SLC30A9: variants seen among roughly 807,000 people sequenced by gnomAD.
The protein encoded by SLC30A9 is proton-coupled zinc antiporter SLC30A9, mitochondrial.
SLC30A9 carries 58 observed loss-of-function variants against 87.5 expected under a neutral mutation model. The ratio of observed to expected loss-of-function variants is 0.66; its 90% CI spans 0.54 to 0.82. The LOEUF (loss-of-function observed/expected upper bound fraction) is 0.82. SLC30A9 is among the 40% of genes least tolerant of loss of function. The pLI is 0.00. For missense variants in SLC30A9, 557 were observed against 679.1 expected (o/e 0.82, Z 2.00); for synonymous variants, 234 against 233.0 (o/e 1.00, Z -0.04).
At chr4:42,014,724 T>TA (rs1170346546) in intron 2 of SLC30A9, among the ~76,000 whole-genome samples, 1 of 152,152 alleles carries the variant, frequency 6.6e-6, no homozygotes, top group Non-Finnish European at 1.5e-5. Context: ...TATTTAAGCA[T>TA]AAAAAAGAAT....
In SLC30A9 at chr4:42,060,220, T is replaced by A. The variant is rs1465991910; in HGVS notation, c.870T>A (p.Ser290=). 6.2e-7 allele frequency: 1 copy of A among 1,612,786 alleles called. No homozygotes were observed. Among genetic ancestry groups the A allele is most frequent in the African/African-American group, 1.3e-5 (1 of 74,904 alleles). Residue 290 remains serine, a synonymous_variant, in exon 10 of 18, where the codon TCT becomes TCA. Coordinates refer to ENST00000264451, the MANE Select transcript of SLC30A9 (RefSeq NM_006345.4). ...QGLLALGISK[S]VQTPDPSHPY... is the part of the protein sequence containing the mutation. Reference sequence around the variant, plus strand: ...TACTAGCATTGGGCATCAGTAAGTCTGTTCAAACACCAGATCCTTCTCATC... The same window carrying A: ...TACTAGCATTGGGCATCAGTAAGTCAGTTCAAACACCAGATCCTTCTCATC...
At chr4:42,055,972 A>G (rs1717593620) in intron 9 of SLC30A9, among the ~76,000 whole-genome samples, 1 of 152,216 alleles carries the variant, frequency 6.6e-6, no homozygotes, top group South Asian at 2.1e-4. Flanking sequence ...ACGTACTGAT[A>G]GAGATTTATG....
chr4:42,035,464 A>G, intron 7 of SLC30A9, 131 bp downstream of exon 7: 3 of 977,930 alleles, frequency 3.1e-6, no homozygotes, highest in Non-Finnish European at 4.4e-6. Flanking sequence ...AGTTCACTGA[A>G]TTATAGTCAA....
intron 9 of SLC30A9, among the ~76,000 whole-genome samples, chr4:42,050,203 A>G (rs1421249343): frequency 1.3e-5 from 2 of 152,324 alleles, no homozygotes; most frequent in East Asian, 3.9e-4. Flanking sequence ...TGTCTCACTC[A>G]CTGTCAAATC....
chr4:42,052,404 C>T lies in SLC30A9; in HGVS notation c.840+2925C>T, dbSNP rs977270435. ...AGACTTCTCTGTACAATTGACAAACCGAATAAATTCCAAAATTCATACGGA... is the reference window on the plus strand; with the variant it reads ...AGACTTCTCTGTACAATTGACAAACTGAATAAATTCCAAAATTCATACGGA... On this transcript the variant is annotated intron_variant, in intron 9 of 17. Transcript: ENST00000264451. Among the ~76,000 whole-genome samples, 10 of 152,094 alleles carry T rather than the reference C, an allele frequency of 6.6e-5. No homozygotes were observed. The East Asian group carries it at 1.5e-3, about 23-fold the overall frequency.
chr4:42,004,337 C>A lies in SLC30A9; in HGVS notation c.274+2557C>A, dbSNP rs115008463. On this transcript the variant is annotated intron_variant, in intron 2 of 17. Coordinates refer to ENST00000264451, the MANE Select transcript of SLC30A9 (RefSeq NM_006345.4). Reference sequence around the variant, plus strand: ...ATTCTACTTGAGATTTGTTGGGCTTCCTGGATCTGAGGATTGATATTTTTC... The same window carrying A: ...ATTCTACTTGAGATTTGTTGGGCTTACTGGATCTGAGGATTGATATTTTTC... 3.2e-3 allele frequency among the ~76,000 whole-genome samples: 485 copies of A among 152,226 alleles called. 2 individuals carry two copies. Among genetic ancestry groups the A allele is most frequent in the African/African-American group, 0.011 (464 of 41,550 alleles).
chr4:42,010,801 T>C (rs1021201962), intron 2 of SLC30A9, among the ~76,000 whole-genome samples: 1 of 152,110 alleles, frequency 6.6e-6, no homozygotes, highest in Non-Finnish European at 1.5e-5. Flanking sequence ...ATTGAAGACA[T>C]AGTTGGACTA....
chr4:42,066,510 T>A, intron 12 of SLC30A9, 40 bp from the exon 13 acceptor site: 1 of 1,361,408 alleles, frequency 7.3e-7, no homozygotes, highest in Non-Finnish European at 1.0e-6. Flanking sequence ...TTTGGAGGCA[T>A]GAAGTTTCTG....
rs1719040621 is a variant in SLC30A9, at chr4:42,089,884, T to C, written c.*3758T>C. 1 of 152,058 alleles carries C rather than the reference T, an allele frequency of 6.6e-6. No individual in the cohort carries two copies. Among genetic ancestry groups the C allele is most frequent in the Non-Finnish European group, 1.5e-5 (1 of 67,992 alleles). The allele number at this position is 152,058 out of a possible 1,614,324, so 9.4% of individuals were successfully genotyped here. On this transcript the variant is annotated 3_prime_UTR_variant, in exon 18 of 18. Coordinates refer to ENST00000264451, the MANE Select transcript of SLC30A9 (RefSeq NM_006345.4). ...ATACATCCTCCTACACACACACACA[T>C]AGTGCAAAGTGAATAACAAAATGTC...
Position 42,087,348 on chromosome 4 carries a change from A to G in SLC30A9, c.*1222A>G, listed in dbSNP as rs919959440. The G allele has an allele frequency of 6.6e-6, 1 of 152,214 alleles. No individual in the cohort carries two copies. Among genetic ancestry groups the G allele is most frequent in the Non-Finnish European group, 1.5e-5 (1 of 68,030 alleles). 9.4% of individuals were successfully genotyped at this position (152,214 alleles called of 1,614,324 possible). On this transcript the variant is annotated 3_prime_UTR_variant, in exon 18 of 18. Transcript: ENST00000264451. ...TTAAAATGTTCAGGTAGCAGTGAGC[A>G]TTGTTCATATGAGAATGGCGGCTGG...
chr4:42,054,116 A>T (rs1010233158), intron 9 of SLC30A9, among the ~76,000 whole-genome samples: 2 of 152,136 alleles, frequency 1.3e-5, no homozygotes, highest in African/African-American at 2.4e-5. Context: ...GCACATTGGG[A>T]GGCCGAGGTG....
chr4:42,047,617 T>A (rs1353237852), intron 8 of SLC30A9, among the ~76,000 whole-genome samples: 1 of 152,210 alleles, frequency 6.6e-6, no homozygotes, highest in African/African-American at 2.4e-5. Context: ...AGGAACACTT[T>A]TACACTGTTG....
chr4:42,011,979 T>C (rs565809686), intron 2 of SLC30A9, among the ~76,000 whole-genome samples: 1 of 152,258 alleles, frequency 6.6e-6, no homozygotes, highest in South Asian at 2.1e-4. Flanking sequence ...ATTCCAAAAA[T>C]TGAAAGCATT....
chr4:41,996,610 G>A (rs1714722100), intron 1 of SLC30A9, among the ~76,000 whole-genome samples: 1 of 152,112 alleles, frequency 6.6e-6, no homozygotes, highest in East Asian at 1.9e-4. Context: ...AGGTAGGGTG[G>A]CACACGCCTG....
chr4:42,024,765 C>T (rs1716115610), intron 6 of SLC30A9, among the ~76,000 whole-genome samples: 1 of 152,166 alleles, frequency 6.6e-6, no homozygotes, highest in East Asian at 1.9e-4. Context: ...ATTTGATGGG[C>T]AACAGATGGT....
chr4:42,044,287 C>T (rs1468660358), intron 8 of SLC30A9, among the ~76,000 whole-genome samples: 2 of 150,810 alleles, frequency 1.3e-5, no homozygotes, highest in Admixed American at 1.3e-4. Context: ...GAGTCAAGAC[C>T]CATTGGTGTG....
At chr4:42,022,080 C>CAT (rs1560541086) in intron 4 of SLC30A9, among the ~76,000 whole-genome samples, 1 of 27,466 alleles carries the variant, frequency 3.6e-5, no homozygotes, top group Non-Finnish European at 2.7e-4. Context: ...GGACTACAGG[C>CAT]GCCCGCCACC....
At position 42,023,830 on chromosome 4, in the gene SLC30A9, C is replaced by T. The variant is rs540694962; in HGVS notation, c.610+446C>T. ...GGCCTCAGGAAGCATACAATCATGG[C>T]GCAAGGGGAAGCAGGCGCATCTTAA... On this transcript the variant is annotated intron_variant, in intron 6 of 17. Coordinates refer to ENST00000264451, the MANE Select transcript of SLC30A9 (RefSeq NM_006345.4). Among the ~76,000 whole-genome samples, 32 of 152,186 alleles carry T rather than the reference C, an allele frequency of 2.1e-4. No homozygotes were observed. The South Asian group carries it at 5.6e-3, about 27-fold the overall frequency.
intron 9 of SLC30A9, among the ~76,000 whole-genome samples, chr4:42,058,779 C>T (rs1007717170): frequency 1.3e-5 from 2 of 152,196 alleles, no homozygotes; most frequent in African/African-American, 4.8e-5. Context: ...AGCACAAGAA[C>T]AGCATGGGAA....
Sources: allele counts gnomAD v4.1 joint callset (sites outside exome capture counted in the v4.1 genomes callset), GRCh38; gene constraint gnomAD v4.1.1; transcripts MANE v1.5; gene names NCBI Gene and HGNC (gene_info 2026-07-23, HGNC 2026-07-21).